The following C10orf53 variants were observed in gnomAD, a reference collection of about 807,000 sequenced individuals.
C10orf53 encodes chromosome 10 open reading frame 53.
A neutral mutation model predicts 9.4 loss-of-function variants in C10orf53; 8 were observed. The ratio of observed to expected loss-of-function variants is 0.85; its 90% confidence interval spans 0.50 to 1.53. The LOEUF (loss-of-function observed/expected upper bound fraction) is 1.53, where lower values mean the gene tolerates loss of function less well. Ranked by LOEUF, C10orf53 falls within the 40% of genes most tolerant of loss-of-function variation. The pLI is 0.00. For synonymous variants in C10orf53, 48 were observed against 46.0 expected, an observed-to-expected ratio of 1.04 and a Z score of -0.18; for missense variants, 117 against 117.8, an observed-to-expected ratio of 0.99 and a Z score of 0.03.
chr10:49,696,637 G>C lies in C10orf53; in HGVS notation c.*2035G>C, dbSNP rs1590645839. Among the ~76,000 whole-genome samples, 1 of 152,284 alleles carries C rather than the reference G, an allele frequency of 6.6e-6. No homozygotes were observed. The highest frequency in any genetic ancestry group is 1.9e-4 in the East Asian group (1 of 5,182). On this transcript the variant is annotated 3_prime_UTR_variant, in exon 3 of 3. Coordinates refer to ENST00000374111, the MANE Select transcript of C10orf53 (RefSeq NM_001042427.3). Reference sequence around the variant, plus strand: ...AGTACACGGATTCTAAGAAATACCGGAGAAGCTTCTGGGAGATGCCTGTGC... The same window carrying C: ...AGTACACGGATTCTAAGAAATACCGCAGAAGCTTCTGGGAGATGCCTGTGC...
chr10:49,704,808 G>A (rs1306315372), intron 2 of C10orf53, among the ~76,000 whole-genome samples: 1 of 152,186 alleles, frequency 6.6e-6, no homozygotes, highest in East Asian at 1.9e-4. Flanking sequence ...TGTTGGTAAG[G>A]ATGTGGTAAA....
chr10:49,704,820 A>G (rs181636225), intron 2 of C10orf53, among the ~76,000 whole-genome samples: 26 of 152,162 alleles, frequency 1.7e-4, no homozygotes, highest in African/African-American at 6.3e-4. Flanking sequence ...TGTGGTAAAC[A>G]GGCACTTGTG....
rs1309073349 is a variant in C10orf53, at chr10:49,697,431, A to G, written c.*2829A>G. 6.6e-6 allele frequency among the ~76,000 whole-genome samples: 1 copy of G among 152,264 alleles called. No homozygotes were observed. The highest frequency in any genetic ancestry group is 2.4e-5 in the African/African-American group (1 of 41,470). On this transcript the variant is annotated 3_prime_UTR_variant, in exon 3 of 3. Transcript: ENST00000374111. ...ACGTGCTAGACATTCGGGCGCCTTC[A>G]TGCTTTTAAAATACCACTGATTAAA...
intron 1 of C10orf53, among the ~76,000 whole-genome samples, chr10:49,691,502 G>A (rs543108038): frequency 2.0e-5 from 3 of 152,334 alleles, no homozygotes; most frequent in Non-Finnish European, 2.9e-5. Context: ...TTAAGAGCAC[G>A]AGAGCCTGTG....
downstream of C10orf53, among the ~76,000 whole-genome samples, chr10:49,699,778 A>G (rs951310131): frequency 6.6e-6 from 1 of 152,236 alleles, no homozygotes; most frequent in African/African-American, 2.4e-5. Context: ...TATGTAAATG[A>G]AAAAGCAAAG....
chr10:49,708,668 G>T (rs1369126479), exon 3 of C10orf53: 2 of 1,598,198 alleles, frequency 1.3e-6, no homozygotes, highest in Non-Finnish European at 1.7e-6. Flanking sequence ...AAAGGAAAAT[G>T]GTGGGTCTGT....
chr10:49,694,266 C>A, intron 2 of C10orf53: 1 of 588,852 alleles, frequency 1.7e-6, no homozygotes, highest in Non-Finnish European at 3.0e-6. Context: ...TCTAGACTTG[C>A]TAAGACACTG....
At chr10:49,699,901 C>CA (rs1554812004), downstream of C10orf53, among the ~76,000 whole-genome samples, 7 of 151,796 alleles carry the variant, frequency 4.6e-5, no homozygotes, top group Admixed American at 2.0e-4. Context: ...TCATCCCCCC[C>CA]GAGATCAGGT....
intron 1 of C10orf53, among the ~76,000 whole-genome samples, chr10:49,685,152 A>G (rs1196530653): frequency 6.6e-6 from 1 of 152,060 alleles, no homozygotes; most frequent in Non-Finnish European, 1.5e-5. Context: ...ACGCACACAC[A>G]CAGATGGTCC....
At chr10:49,682,553 CTGCTGCTGGCGCAGGGGGACAGGAGCCAG>C (rs1840489683) in intron 1 of C10orf53, among the ~76,000 whole-genome samples, 1 of 1,478 alleles carries the variant, frequency 6.8e-4, no homozygotes, top group South Asian at 0.026. Flanking sequence ...GAGCCAGTTG[CTGCTGCTGGCGCAGGGGGACAGGAGCCAG>C]TTGCTGCTGC....
chr10:49,683,426 C>T (rs1351543915), intron 1 of C10orf53, among the ~76,000 whole-genome samples: 1 of 152,044 alleles, frequency 6.6e-6, no homozygotes, highest in Admixed American at 6.5e-5. Context: ...GAATATGAGA[C>T]CCTTAATAGA....
In C10orf53 at chr10:49,691,159, T is replaced by C. The variant is rs537322509; in HGVS notation, c.98-2615T>C. ...CCCCACAGCAGCTCATGGGAGGAAA[T>C]GGGTGCTCCGTGTAGAGAAGTGGCA... is the stretch of plus-strand genomic sequence containing the variant. On this transcript the variant is annotated intron_variant, in intron 1 of 2. Transcript: ENST00000374111. Among the ~76,000 whole-genome samples, 24 of 152,260 alleles carry C rather than the reference T, an allele frequency of 1.6e-4. 1 individual carries two copies. The South Asian group carries it at 5.0e-3, about 32-fold the overall frequency.
At chr10:49,682,474 A>C (rs1049751515) in intron 1 of C10orf53, among the ~76,000 whole-genome samples, 12 of 152,196 alleles carry the variant, frequency 7.9e-5, no homozygotes, top group Admixed American at 7.9e-4. Flanking sequence ...TGCAGACCCA[A>C]AGTGAGCAGC....
chr10:49,695,680 A>G lies in C10orf53; in HGVS notation c.*1078A>G, dbSNP rs2132884781. ...TGGGGACCATGAAACTGCTTGCACA[A>G]GTTCCTTCTCACACAGGACAAAGTA... On this transcript the variant is annotated 3_prime_UTR_variant, in exon 3 of 3. Transcript: ENST00000374111. 6.6e-6 allele frequency: 1 copy of G among 152,388 alleles called. No homozygotes were observed. The highest frequency in any genetic ancestry group is 1.9e-4 in the East Asian group (1 of 5,182). The allele number at this position is 152,388 out of a possible 1,614,324, so 9.4% of individuals were successfully genotyped here. A position where few individuals can be genotyped will look rare whatever the true frequency, so the allele number is the denominator to read the frequency against.
downstream of C10orf53, among the ~76,000 whole-genome samples, chr10:49,702,165 C>A (rs894700970): frequency 6.7e-6 from 1 of 148,836 alleles, no homozygotes; most frequent in African/African-American, 2.5e-5. Flanking sequence ...CCACCTCACT[C>A]CAGCCTGGGC....
chr10:49,688,479 A>C (rs1011169436), intron 1 of C10orf53, among the ~76,000 whole-genome samples: 1 of 151,814 alleles, frequency 6.6e-6, no homozygotes, highest in Admixed American at 6.6e-5. Flanking sequence ...TCTCAGTAAC[A>C]CAGCCAGCTG....
intron 1 of C10orf53, 60 bp downstream of exon 1, chr10:49,679,854 G>T: frequency 6.9e-7 from 1 of 1,443,758 alleles, no homozygotes; most frequent in South Asian, 1.3e-5. Context: ...CCGTGCAGGT[G>T]GTGCCCTGTG....
chr10:49,694,095 C>A, intron 2 of C10orf53: 1 of 670,292 alleles, frequency 1.5e-6, no homozygotes, highest in Non-Finnish European at 2.5e-6. Context: ...TGTGATGCTA[C>A]GAGTTTCCCC....
At chr10:49,694,447 A>C (rs1840614700) in intron 2 of C10orf53, 91 bp from the exon 3 acceptor site, 2 of 1,543,128 alleles carry the variant, frequency 1.3e-6, no homozygotes, top group Non-Finnish European at 1.8e-6. Flanking sequence ...GCCTTTGAAA[A>C]TGCACTCTGG....
Sources: gnomAD v4.1 joint callset for allele counts (sites outside exome capture counted in the v4.1 genomes callset) on GRCh38, gnomAD v4.1.1 for gene constraint, MANE v1.5 for transcripts, NCBI Gene and HGNC (gene_info 2026-07-23, HGNC 2026-07-21) for gene names.